The following DCAF8L2 variants were observed in gnomAD, a reference collection of about 807,000 sequenced individuals.
DCAF8L2 encodes the protein DDB1 and CUL4 associated factor 8 like 2.
For missense variants in DCAF8L2, 430 were observed against 490.7 expected, an observed-to-expected ratio of 0.88 and a Z score of 1.17; for synonymous variants, 200 against 190.9, an observed-to-expected ratio of 1.05 and a Z score of -0.39.
At chrX:27,588,434 G>C (rs894096456), upstream of DCAF8L2, among the ~76,000 whole-genome samples, 1 of 110,985 alleles carries the variant, frequency 9.0e-6, no homozygotes, top group Admixed American at 9.7e-5. Flanking sequence ...TTGTTACTGT[G>C]AATAGTAATG....
chrX:27,492,290 C>T, the DCAF8L2 span, among the ~76,000 whole-genome samples: 1 of 111,823 alleles, frequency 8.9e-6, no homozygotes, highest in Non-Finnish European at 1.9e-5. Flanking sequence ...GGCACACCAA[C>T]TTTTGTTTGT....
chrX:27,720,467 G>C (rs1178799392), intron 4 of DCAF8L2, among the ~76,000 whole-genome samples: 4 of 110,358 alleles, frequency 3.6e-5, no homozygotes, highest in Non-Finnish European at 7.6e-5. Flanking sequence ...TCTGCCTCCT[G>C]GGTTCACGCC....
chrX:27,664,576 C>T (rs1384602181), intron 2 of DCAF8L2, among the ~76,000 whole-genome samples: 2 of 111,983 alleles, frequency 1.8e-5, no homozygotes, highest in Non-Finnish European at 3.8e-5. Context: ...CTACAGTCAA[C>T]AAAAAATTTT....
At chrX:27,557,320 T>A in the DCAF8L2 span, among the ~76,000 whole-genome samples, 1 of 112,237 alleles carries the variant, frequency 8.9e-6, no homozygotes, top group Non-Finnish European at 1.9e-5. Flanking sequence ...AATACAAATG[T>A]GAAAATTGAA....
chrX:27,621,251 G>T (rs1389920256), intron 1 of DCAF8L2, among the ~76,000 whole-genome samples: 1 of 111,387 alleles, frequency 9.0e-6, no homozygotes, highest in African/African-American at 3.3e-5. Context: ...GAGTTGTGGA[G>T]ATCGATGGTG....
At chrX:27,630,860 T>C (rs1345059263) in intron 1 of DCAF8L2, among the ~76,000 whole-genome samples, 5 of 112,362 alleles carry the variant, frequency 4.4e-5, no homozygotes, top group African/African-American at 1.6e-4. Flanking sequence ...GCCGTCTTAT[T>C]GCTGCCTCGC....
intron 2 of DCAF8L2, among the ~76,000 whole-genome samples, chrX:27,643,751 C>T (rs1391001823): frequency 9.0e-6 from 1 of 111,660 alleles, no homozygotes; most frequent in Non-Finnish European, 1.9e-5. Context: ...AAACTATGAA[C>T]ACATCGTGTT....
intron 2 of DCAF8L2, among the ~76,000 whole-genome samples, chrX:27,670,843 A>G (rs1272821967): frequency 4.5e-5 from 5 of 111,619 alleles, no homozygotes; most frequent in African/African-American, 1.6e-4. Context: ...TCGCTCTGAC[A>G]TCACTTCCCT....
chrX:27,659,876 C>G (rs1284866402), intron 2 of DCAF8L2, among the ~76,000 whole-genome samples: 2 of 111,385 alleles, frequency 1.8e-5, no homozygotes, highest in African/African-American at 6.5e-5. Flanking sequence ...TTGTATCTCA[C>G]TGAGTTTTAA....
At chrX:27,510,205 AT>A in the DCAF8L2 span, among the ~76,000 whole-genome samples, 3,662 of 105,747 alleles carry the variant, frequency 0.035, 147 homozygotes, top group African/African-American at 0.12. Flanking sequence ...CAACTCTTTC[AT>A]TTTTTTTTTC....
intron 3 of DCAF8L2, chrX:27,712,775 G>T (rs1437499396): frequency 8.9e-6 from 1 of 111,855 alleles, no homozygotes; most frequent in Non-Finnish European, 1.9e-5. Context: ...TTTGTCTAAT[G>T]TTTATAGCTC....
chrX:27,610,684 G>A (rs1927118098), intron 1 of DCAF8L2, among the ~76,000 whole-genome samples: 1 of 111,760 alleles, frequency 8.9e-6, no homozygotes, highest in Admixed American at 9.5e-5. Flanking sequence ...AAGCACTAAC[G>A]CATCTGGAAA....
chrX:27,613,056 A>C (rs1487487607), intron 1 of DCAF8L2, among the ~76,000 whole-genome samples: 2 of 111,555 alleles, frequency 1.8e-5, no homozygotes, highest in Admixed American at 9.5e-5. Flanking sequence ...GGCCATTTTC[A>C]CAATATTGAT....
intron 2 of DCAF8L2, among the ~76,000 whole-genome samples, chrX:27,637,308 AT>A (rs769591603): frequency 8.9e-6 from 1 of 111,932 alleles, no homozygotes; most frequent in African/African-American, 3.2e-5. Flanking sequence ...TGGCATCCCT[AT>A]TTCAGGGATC....
intron 2 of DCAF8L2, among the ~76,000 whole-genome samples, chrX:27,638,637 A>G (rs1383721972): frequency 8.9e-6 from 1 of 111,865 alleles, no homozygotes; most frequent in Non-Finnish European, 1.9e-5. Flanking sequence ...GGTATAAACA[A>G]TGTATTGTGG....
chrX:27,627,537 T>TG (rs1569164726), intron 1 of DCAF8L2: 14,796 of 90,802 alleles, frequency 0.16, 1,100 homozygotes, highest in Non-Finnish European at 0.22. Flanking sequence ...GTTGTTTTTG[T>TG]TGTGTGTGTG....
intron 3 of DCAF8L2, among the ~76,000 whole-genome samples, chrX:27,704,174 A>ATATATATATATATATATG (rs1931242100): frequency 1.7e-5 from 1 of 57,881 alleles, no homozygotes; most frequent in African/African-American, 9.4e-5. Context: ...ATATATATAT[A>ATATATATATATATATATG]CATATACACA....
chrX:27,747,060 T>C lies in DCAF8L2; in HGVS notation c.165T>C (p.Ser55=), dbSNP rs959528202. Residue 55 remains serine (S), a synonymous_variant, in exon 5 of 5, where the codon AGT becomes AGC. Transcript: ENST00000451261. ...ELSVTVTGDG[S]DSRDGGFPND... ...GTGTGACAGTGACCGGAGATGGCAG[T>C]GATAGCAGGGATGGTGGATTCCCCA... 1 of 1,169,669 alleles carries C rather than the reference T, an allele frequency of 8.5e-7. No homozygotes were observed. Among genetic ancestry groups the C allele is most frequent in the African/African-American group, 1.8e-5 (1 of 56,336 alleles).
intron 4 of DCAF8L2, among the ~76,000 whole-genome samples, 171 bp downstream of exon 4, chrX:27,716,342 A>C (rs1602771258): frequency 8.9e-6 from 1 of 112,608 alleles, no homozygotes; most frequent in South Asian, 3.7e-4. Flanking sequence ...AAGGCATTAC[A>C]AATAATAGTG....
Sources: gnomAD v4.1 joint callset for allele counts (sites outside exome capture counted in the v4.1 genomes callset) on GRCh38, gnomAD v4.1.1 for gene constraint, MANE v1.5 for transcripts, NCBI Gene and HGNC (gene_info 2026-07-23, HGNC 2026-07-21) for gene names.